The following GRM1 variants were observed in gnomAD, a reference collection of about 807,000 sequenced individuals.
The protein encoded by GRM1 is metabotropic glutamate receptor 1.
Under a neutral mutation model 90.9 loss-of-function variants are expected in GRM1, and 33 were observed. That is an observed-to-expected ratio of 0.36 (90% CI 0.28 to 0.49). The LOEUF (loss-of-function observed/expected upper bound fraction) is 0.49. Ranked by LOEUF, GRM1 falls within the 20% of genes least tolerant of loss-of-function variation. GRM1 has a pLI of 0.99. For missense variants in GRM1, 1,190 were observed against 1,534.3 expected, an observed-to-expected ratio of 0.78 and a Z score of 3.75; for synonymous variants, 700 against 613.2, an observed-to-expected ratio of 1.14 and a Z score of -2.09.
intron 2 of GRM1, among the ~76,000 whole-genome samples, chr6:146,221,660 G>A (rs1328415085): frequency 6.6e-6 from 1 of 152,132 alleles, no homozygotes; most frequent in Non-Finnish European, 1.5e-5. Context: ...AAACATATGT[G>A]TGCATGTGCT....
chr6:146,063,409 A>C (rs549329919), intron 1 of GRM1, among the ~76,000 whole-genome samples: 2 of 152,330 alleles, frequency 1.3e-5, no homozygotes, highest in East Asian at 3.9e-4. Context: ...TATTCAATTC[A>C]ACATTGATAT....
At chr6:146,258,967 A>C (rs1781583686) in intron 2 of GRM1, among the ~76,000 whole-genome samples, 12 of 152,182 alleles carry the variant, frequency 7.9e-5, no homozygotes, top group Admixed American at 7.9e-4. Context: ...ATGCTAATAC[A>C]TGAAAAAGCC....
intron 2 of GRM1, among the ~76,000 whole-genome samples, chr6:146,174,465 G>A (rs1778259412): frequency 6.6e-6 from 1 of 152,192 alleles, no homozygotes; most frequent in Non-Finnish European, 1.5e-5. Context: ...AAAGGAGCTG[G>A]AATTGCAAAA....
chr6:146,428,445 T>A (rs1439055396), intron 7 of GRM1, among the ~76,000 whole-genome samples: 1 of 152,198 alleles, frequency 6.6e-6, no homozygotes, highest in Non-Finnish European at 1.5e-5. Context: ...TTGCAGGAAA[T>A]ATGGCAGTTG....
At chr6:146,076,203 G>A (rs564325323) in intron 1 of GRM1, among the ~76,000 whole-genome samples, 34 of 152,248 alleles carry the variant, frequency 2.2e-4, no homozygotes, top group African/African-American at 7.0e-4. Flanking sequence ...TCGAATAGAC[G>A]GCATGAAGTC....
At chr6:146,166,419 A>G (rs943132474) in intron 2 of GRM1, among the ~76,000 whole-genome samples, 2 of 152,074 alleles carry the variant, frequency 1.3e-5, no homozygotes, top group African/African-American at 4.8e-5. Context: ...GGTTAACTCT[A>G]TTGTCCATTA....
intron 4 of GRM1, among the ~76,000 whole-genome samples, chr6:146,352,697 C>G (rs1785450004): frequency 6.6e-6 from 1 of 152,096 alleles, no homozygotes; most frequent in African/African-American, 2.4e-5. Context: ...ACTTCTTTTT[C>G]AACACCCAAT....
intron 1 of GRM1, among the ~76,000 whole-genome samples, chr6:146,117,694 G>T (rs1004693562): frequency 4.6e-5 from 7 of 151,660 alleles, no homozygotes; most frequent in African/African-American, 1.5e-4. Context: ...GTATATATTT[G>T]TATAAACATA....
At chr6:146,263,096 G>C (rs1781759382) in intron 2 of GRM1, among the ~76,000 whole-genome samples, 1 of 151,854 alleles carries the variant, frequency 6.6e-6, no homozygotes, top group Non-Finnish European at 1.5e-5. Flanking sequence ...TTTTGACTCA[G>C]TATTTCCCCT....
intron 1 of GRM1, among the ~76,000 whole-genome samples, chr6:146,151,640 T>C (rs1181830268): frequency 6.6e-6 from 1 of 152,184 alleles, no homozygotes; most frequent in Admixed American, 6.5e-5. Context: ...TTTTTCTGAA[T>C]ACATTTCCAT....
chr6:146,259,660 C>G (rs917820806), intron 2 of GRM1, among the ~76,000 whole-genome samples: 1 of 152,098 alleles, frequency 6.6e-6, no homozygotes, highest in African/African-American at 2.4e-5. Context: ...AAGTAATAAT[C>G]CATTGTATGT....
chr6:146,098,825 T>A (rs1776955628), intron 1 of GRM1, among the ~76,000 whole-genome samples: 1 of 152,144 alleles, frequency 6.6e-6, no homozygotes, highest in Non-Finnish European at 1.5e-5. Flanking sequence ...TTCTCCTTCC[T>A]GCCATCATGT....
intron 1 of GRM1, among the ~76,000 whole-genome samples, chr6:146,033,597 G>C (rs768331095): frequency 2.6e-5 from 4 of 151,820 alleles, no homozygotes; most frequent in Non-Finnish European, 5.9e-5. Flanking sequence ...ACTTAGATAA[G>C]TATTGATATA....
At chr6:146,077,258 C>T (rs1352520222) in intron 1 of GRM1, among the ~76,000 whole-genome samples, 2 of 152,136 alleles carry the variant, frequency 1.3e-5, no homozygotes, top group African/African-American at 4.8e-5. Flanking sequence ...GCTATGTGTA[C>T]CACCATTGCT....
chr6:146,033,895 A>G (rs1297615348), intron 1 of GRM1, among the ~76,000 whole-genome samples: 2 of 152,084 alleles, frequency 1.3e-5, no homozygotes, highest in Non-Finnish European at 2.9e-5. Flanking sequence ...TTTTATATCT[A>G]CTAAATATCA....
At chr6:146,349,612 T>C (rs1029353284) in intron 3 of GRM1, among the ~76,000 whole-genome samples, 1 of 152,184 alleles carries the variant, frequency 6.6e-6, no homozygotes, top group Non-Finnish European at 1.5e-5. Flanking sequence ...TATTACATAA[T>C]TTTCTTAGTT....
intron 3 of GRM1, among the ~76,000 whole-genome samples, chr6:146,351,346 C>T (rs140277808): frequency 6.6e-6 from 1 of 152,328 alleles, no homozygotes; most frequent in African/African-American, 2.4e-5. Context: ...CAGGAACCAA[C>T]TAAAGTCTCT....
At chr6:146,187,937 G>A (rs6570739) in intron 2 of GRM1, among the ~76,000 whole-genome samples, 37,332 of 151,874 alleles carry the variant, frequency 0.25, 7,962 homozygotes, top group African/African-American at 0.58. Flanking sequence ...TATTATTTAT[G>A]TTCTATTTAC....
At chr6:146,373,680 T>C (rs1326953132) in intron 5 of GRM1, among the ~76,000 whole-genome samples, 3 of 152,182 alleles carry the variant, frequency 2.0e-5, no homozygotes, top group Non-Finnish European at 4.4e-5. Flanking sequence ...TGTTGACATA[T>C]AGAAATGCTA....
Sources: allele counts gnomAD v4.1 joint callset (sites outside exome capture counted in the v4.1 genomes callset), GRCh38; gene constraint gnomAD v4.1.1; transcripts MANE v1.5; gene names NCBI Gene and HGNC (gene_info 2026-07-23, HGNC 2026-07-21).